CPVL: variants seen among roughly 807,000 people sequenced by gnomAD.
CPVL encodes carboxypeptidase vitellogenic like, also known as probable serine carboxypeptidase CPVL.
CPVL carries 51 observed loss-of-function variants against 63.7 expected under a neutral mutation model. The ratio of observed to expected loss-of-function variants is 0.80; its 90% confidence interval spans 0.64 to 1.01. The LOEUF (loss-of-function observed/expected upper bound fraction) is 1.01, where lower values mean the gene tolerates loss of function less well. Among genes scored for constraint, CPVL ranks in the 50% least tolerant of loss-of-function variants. The probability of loss-of-function intolerance (pLI) is 0.00; values close to 1 mark genes in which losing one functional copy is unlikely to be tolerated. For missense variants in CPVL, 530 were observed against 573.1 expected (o/e 0.92, Z 0.77); for synonymous variants, 195 against 206.0 (o/e 0.95, Z 0.46).
In CPVL at chr7:29,064,194, A is replaced by C. The variant is rs1298805805; in HGVS notation, c.1004T>G (p.Leu335Arg). 1 of 1,613,270 alleles carries C rather than the reference A, an allele frequency of 6.2e-7. No homozygotes were observed. Among genetic ancestry groups the C allele is most frequent in the East Asian group, 2.2e-5 (1 of 44,860 alleles). The change falls in exon 11 of 13, where the codon CTC becomes CGC. Residue 335 changes from leucine (L) to arginine (R), a missense_variant. By Grantham distance (102) the Leu-to-Arg change is moderately radical. Transcript: ENST00000265394. The stretch of plus-strand genomic sequence containing the variant: ...GTGGATGGCTTGTCTCACCTCTGGG[A>C]GTGACAAAAATTTCACATAGTAAAG... ...DQLYYVKFLS[L>R]PEVRQAIHVG...
intron 11 of CPVL, among the ~76,000 whole-genome samples, chr7:29,038,535 T>G (rs578009048): frequency 1.3e-5 from 2 of 152,324 alleles, no homozygotes; most frequent in South Asian, 4.1e-4. Flanking sequence ...CATTTAAATA[T>G]TCGGAGATCT....
At chr7:29,080,687 A>G (rs950600113) in intron 7 of CPVL, among the ~76,000 whole-genome samples, 3 of 152,194 alleles carry the variant, frequency 2.0e-5, no homozygotes, top group African/African-American at 7.2e-5. Flanking sequence ...TTAGTATTGA[A>G]TAAGAAACAA....
chr7:29,039,247 T>C (rs1047475123), intron 11 of CPVL, among the ~76,000 whole-genome samples: 2 of 152,200 alleles, frequency 1.3e-5, no homozygotes, highest in African/African-American at 4.8e-5. Context: ...AGTTTAACTA[T>C]CTCAGCAAGA....
chr7:29,017,351 C>A (rs959596690), intron 12 of CPVL, among the ~76,000 whole-genome samples: 1 of 152,150 alleles, frequency 6.6e-6, no homozygotes, highest in Non-Finnish European at 1.5e-5. Context: ...AAAACCCAAT[C>A]GGCTGGGCGT....
At chr7:29,061,441 C>A (rs1443267277) in intron 11 of CPVL, among the ~76,000 whole-genome samples, 1 of 152,034 alleles carries the variant, frequency 6.6e-6, no homozygotes, top group Non-Finnish European at 1.5e-5. Context: ...TTAGAAAATA[C>A]TGGATTTTGA....
chr7:29,007,169 C>T (rs1336874423), intron 12 of CPVL, among the ~76,000 whole-genome samples: 3 of 152,170 alleles, frequency 2.0e-5, no homozygotes, highest in Non-Finnish European at 4.4e-5. Context: ...GAGAAAGTTA[C>T]GCATTGTTGC....
At chr7:29,068,817 C>G (rs1235844898) in intron 9 of CPVL, among the ~76,000 whole-genome samples, 1 of 151,364 alleles carries the variant, frequency 6.6e-6, no homozygotes, top group East Asian at 2.0e-4. Flanking sequence ...GCCTCAGCCT[C>G]CCGAGTAGCT....
At chr7:29,108,099 C>T (rs1787901286) in intron 3 of CPVL, among the ~76,000 whole-genome samples, 1 of 152,220 alleles carries the variant, frequency 6.6e-6, no homozygotes, top group African/African-American at 2.4e-5. Context: ...GTAGGTTGCC[C>T]CAGCACCTCA....
chr7:29,103,887 G>A (rs1787455979), intron 3 of CPVL, among the ~76,000 whole-genome samples: 1 of 152,100 alleles, frequency 6.6e-6, no homozygotes, highest in Non-Finnish European at 1.5e-5. Context: ...TAAGTAATGT[G>A]TTCTACCTTA....
intron 11 of CPVL, among the ~76,000 whole-genome samples, chr7:29,048,666 T>A (rs1789854914): frequency 6.6e-6 from 1 of 151,918 alleles, no homozygotes; most frequent in Non-Finnish European, 1.5e-5. Context: ...ATTTAAACTA[T>A]ACCTTGGAAA....
chr7:29,012,693 G>A (rs1344339832), intron 12 of CPVL: 1 of 152,124 alleles, frequency 6.6e-6, no homozygotes, highest in African/African-American at 2.4e-5. Flanking sequence ...AAGTAAAAAT[G>A]GATTTAGAAC....
At chr7:29,087,293 G>A (rs1379561559) in intron 6 of CPVL, among the ~76,000 whole-genome samples, 2 of 151,782 alleles carry the variant, frequency 1.3e-5, no homozygotes, top group Non-Finnish European at 2.9e-5. Flanking sequence ...GCATGGTGGT[G>A]CGCGCCTGTA....
At chr7:29,092,568 G>T in intron 6 of CPVL, 55 bp downstream of exon 6, 2 of 1,211,764 alleles carry the variant, frequency 1.7e-6, no homozygotes, top group South Asian at 1.2e-5. Flanking sequence ...TTTTCCTATT[G>T]AGATAGAAAA....
At chr7:29,056,423 T>C (rs952340395) in intron 11 of CPVL, among the ~76,000 whole-genome samples, 4 of 152,200 alleles carry the variant, frequency 2.6e-5, no homozygotes, top group Non-Finnish European at 4.4e-5. Context: ...GAATGTCACA[T>C]AGTTGGGATC....
chr7:29,060,246 C>A (rs1051383324), intron 11 of CPVL, among the ~76,000 whole-genome samples: 1 of 152,174 alleles, frequency 6.6e-6, no homozygotes, highest in Non-Finnish European at 1.5e-5. Context: ...TTAAACCTCA[C>A]AGAAACTCAC....
At chr7:29,095,173 A>T in intron 4 of CPVL, 31 bp from the exon 5 acceptor site, 1 of 1,593,236 alleles carries the variant, frequency 6.3e-7, no homozygotes, top group Non-Finnish European at 8.6e-7. Flanking sequence ...GGTGAGATAG[A>T]GTCGTGGACA....
intron 11 of CPVL, among the ~76,000 whole-genome samples, chr7:29,034,140 G>A (rs1391010498): frequency 6.6e-6 from 1 of 152,074 alleles, no homozygotes; most frequent in Non-Finnish European, 1.5e-5. Flanking sequence ...GTCTCACTAT[G>A]TTCCCCTAAG....
chr7:29,133,419 C>G (rs1486326196), intron 1 of CPVL, among the ~76,000 whole-genome samples: 2 of 152,194 alleles, frequency 1.3e-5, no homozygotes, highest in African/African-American at 2.4e-5. Context: ...TAAAATTCTT[C>G]TAGAAGTCTA....
chr7:29,180,502 A>G (rs1339385515), intron 5 of CPVL, among the ~76,000 whole-genome samples: 1 of 151,852 alleles, frequency 6.6e-6, no homozygotes, highest in Admixed American at 6.6e-5. Context: ...ACTGGGCGAC[A>G]GAGCGACAGA....
Sources: gnomAD v4.1 joint callset for allele counts (sites outside exome capture counted in the v4.1 genomes callset) on GRCh38, gnomAD v4.1.1 for gene constraint, MANE v1.5 for transcripts, NCBI Gene and HGNC (gene_info 2026-07-23, HGNC 2026-07-21) for gene names.